The following LY9 variants were observed in gnomAD, a reference collection of about 807,000 sequenced individuals.
LY9 encodes T-lymphocyte surface antigen Ly-9.
LY9 carries 59 observed loss-of-function variants against 64.6 expected under a neutral mutation model. The observed-to-expected ratio is 0.91, with a 90% confidence interval of 0.74 to 1.13. LY9 has a LOEUF of 1.13. LY9 is among the 50% of genes most tolerant of loss of function. The pLI is 0.00. For missense variants in LY9, 789 were observed against 797.2 expected, an observed-to-expected ratio of 0.99 and a Z score of 0.12; for synonymous variants, 281 against 308.5, an observed-to-expected ratio of 0.91 and a Z score of 0.93.
chr1:160,804,373 T>C (rs996373783), intron 2 of LY9, among the ~76,000 whole-genome samples: 1 of 152,226 alleles, frequency 6.6e-6, no homozygotes, highest in African/African-American at 2.4e-5. Flanking sequence ...TTCAGTCTAT[T>C]GATGTGATGT....
intron 2 of LY9, chr1:160,809,851 T>C (rs1406319556): frequency 6.6e-6 from 1 of 152,222 alleles, no homozygotes; most frequent in Non-Finnish European, 1.5e-5. Context: ...ATTTTTCTTA[T>C]GAATGAGATG....
At position 160,824,258 on chromosome 1, in the gene LY9, A is replaced by G; in HGVS notation, c.1899+9A>G. On this transcript the variant is annotated intron_variant, in intron 9 of 9. Transcript: ENST00000263285. ...CCATACGGAAACCTCAGGTGGTGAG[A>G]ACTACATTCTCTGTATCCCAAGGCC... is the stretch of plus-strand genomic sequence containing the variant. The G allele has an allele frequency of 6.2e-7, 1 of 1,614,072 alleles. No individual in the cohort carries two copies. Among genetic ancestry groups the G allele is most frequent in the Non-Finnish European group, 8.5e-7 (1 of 1,179,974 alleles).
chr1:160,818,196 A>G (rs1392838130), intron 5 of LY9, 22 bp from the exon 6 acceptor site: 4 of 1,497,870 alleles, frequency 2.7e-6, no homozygotes, highest in Admixed American at 3.4e-5. Flanking sequence ...TTGAATTAAC[A>G]TCACTCATTT....
At chr1:160,820,071 G>T (rs1162879579) in intron 7 of LY9, among the ~76,000 whole-genome samples, 2 of 152,164 alleles carry the variant, frequency 1.3e-5, no homozygotes, top group African/African-American at 4.8e-5. Flanking sequence ...GGTTCCTTGG[G>T]CATTAGCCAT....
rs760651120 is a variant in LY9 at position 160,818,295 on chromosome 1, T to A, written c.1420T>A (p.Cys474Ser). The A allele has an allele frequency of 1.2e-6, 2 of 1,614,048 alleles. No individual in the cohort carries two copies. Among genetic ancestry groups the A allele is most frequent in the Non-Finnish European group, 1.7e-6 (2 of 1,179,938 alleles). ...TCTGTGCGTTGGGATCTTCAGCTGG[T>A]GCATTTGGAAGCGAAAAGGACGGTG... ...CLLCVGIFSW[C>S]IWKRKGRCSV... The change falls in exon 6 of 10, where the codon TGC becomes AGC. Residue 474 changes from cysteine to serine, a missense_variant. Cys to Ser is a moderately radical substitution (Grantham distance 112). Transcript: ENST00000263285.
intron 2 of LY9, among the ~76,000 whole-genome samples, chr1:160,804,376 T>G (rs188463728): frequency 6.6e-6 from 1 of 152,210 alleles, no homozygotes; most frequent in Non-Finnish European, 1.5e-5. Context: ...AGTCTATTGA[T>G]GTGATGTATC....
chr1:160,798,068 C>T (rs1056858888), intron 1 of LY9, among the ~76,000 whole-genome samples: 7 of 152,114 alleles, frequency 4.6e-5, no homozygotes, highest in Non-Finnish European at 8.8e-5. Context: ...TACTGGGGAC[C>T]TGTCATTGTA....
intron 7 of LY9, among the ~76,000 whole-genome samples, chr1:160,820,192 A>G (rs1472158929): frequency 1.3e-5 from 2 of 152,108 alleles, no homozygotes; most frequent in Non-Finnish European, 2.9e-5. Flanking sequence ...AAAATTTAAA[A>G]CTTAATTAAA....
chr1:160,800,281 T>A, intron 2 of LY9, 199 bp downstream of exon 2: 1 of 564,080 alleles, frequency 1.8e-6, no homozygotes. Flanking sequence ...TGAATTGATT[T>A]TCTCTATCTT....
chr1:160,824,666 A>G (rs556810), intron 9 of LY9: 433,087 of 970,936 alleles, frequency 0.45, 100,185 homozygotes, highest in East Asian at 0.72. Flanking sequence ...CCTACAGTAC[A>G]TTAGTTTTAT....
At chr1:160,805,738 G>A (rs996655968) in intron 2 of LY9, among the ~76,000 whole-genome samples, 2 of 94,024 alleles carry the variant, frequency 2.1e-5, no homozygotes, top group African/African-American at 8.7e-5. Flanking sequence ...CTCTCTCTCT[G>A]TCTCACACAC....
chr1:160,798,470 T>C lies in LY9; in HGVS notation c.125-1283T>C, dbSNP rs138423824. ...AAAGTACCTAATGCACACATAGCAA[T>C]CGTAAGCAGTCTCTTCCAGATGGGA... On this transcript the variant is annotated intron_variant, in intron 1 of 9. Coordinates refer to ENST00000263285, the MANE Select transcript of LY9 (RefSeq NM_002348.4). 1.4e-3 allele frequency among the ~76,000 whole-genome samples: 216 copies of C among 152,262 alleles called. 1 individual carries two copies. Among genetic ancestry groups the C allele is most frequent in the African/African-American group, 4.8e-3 (199 of 41,550 alleles).
chr1:160,800,220 A>G (rs1292871121), intron 2 of LY9, 138 bp downstream of exon 2: 2 of 637,462 alleles, frequency 3.1e-6, no homozygotes, highest in African/African-American at 1.8e-5. Flanking sequence ...CTGCTGCCTG[A>G]GTACAATATA....
intron 2 of LY9, chr1:160,802,460 G>A (rs1177353762): frequency 1.7e-5 from 17 of 985,662 alleles, no homozygotes; most frequent in Non-Finnish European, 1.9e-5. Flanking sequence ...CCCACAGTGC[G>A]GGGCTGCACC....
chr1:160,815,838 A>G (rs1034537234), intron 4 of LY9, among the ~76,000 whole-genome samples: 6 of 152,268 alleles, frequency 3.9e-5, no homozygotes, highest in African/African-American at 1.4e-4. Context: ...GGTGAGGAAC[A>G]GAATTTGCAT....
chr1:160,821,195 A>G (rs1668422044), intron 7 of LY9, among the ~76,000 whole-genome samples: 2 of 150,412 alleles, frequency 1.3e-5, no homozygotes, highest in East Asian at 2.0e-4. Context: ...GCATACAGTT[A>G]AAAGTAGTTC....
At chr1:160,823,865 C>G in intron 8 of LY9, 69 bp downstream of exon 8, 1 of 1,272,734 alleles carries the variant, frequency 7.9e-7, no homozygotes, top group Admixed American at 1.8e-5. Flanking sequence ...TCCTGGATGA[C>G]TAGTTCCTCC....
At chr1:160,804,634 A>AT (rs1321876357) in intron 2 of LY9, among the ~76,000 whole-genome samples, 1 of 152,066 alleles carries the variant, frequency 6.6e-6, no homozygotes, top group Admixed American at 6.5e-5. Context: ...CCCCACTTTG[A>AT]TTTTTAAGAA....
chr1:160,827,883 G>C lies in LY9; in HGVS notation c.*67G>C. On this transcript the variant is annotated 3_prime_UTR_variant, in exon 10 of 10. Transcript: ENST00000263285. The stretch of plus-strand genomic sequence containing the variant: ...TGGAAAGTCAGCTGGACCTCATGGG[G>C]CCTGGGGCTCACAGACAGAAGCACC... 1 of 1,315,944 alleles carries C rather than the reference G, an allele frequency of 7.6e-7. No individual in the cohort carries two copies. Among genetic ancestry groups the C allele is most frequent in the Non-Finnish European group, 1.1e-6 (1 of 931,214 alleles). 81.5% of individuals were successfully genotyped at this position (1,315,944 alleles called of 1,614,324 possible). A position where few individuals can be genotyped will look rare whatever the true frequency, so the allele number is the denominator to read the frequency against.
Sources: gnomAD v4.1 joint callset for allele counts (sites outside exome capture counted in the v4.1 genomes callset) on GRCh38, gnomAD v4.1.1 for gene constraint, MANE v1.5 for transcripts, NCBI Gene and HGNC (gene_info 2026-07-23, HGNC 2026-07-21) for gene names.